CNTNAP5: variants seen among roughly 807,000 people sequenced by gnomAD.
CNTNAP5 encodes contactin associated protein family member 5, also known as contactin-associated protein-like 5.
In CNTNAP5, 72 loss-of-function variants were observed where a neutral mutation model predicts 150.2. The observed-to-expected ratio is 0.48, with a 90% CI of 0.40 to 0.58. The LOEUF (loss-of-function observed/expected upper bound fraction) is 0.58, where lower values mean the gene tolerates loss of function less well. Among genes scored for constraint, CNTNAP5 ranks in the 20% least tolerant of loss-of-function variants. The pLI is 0.00. For synonymous variants in CNTNAP5, 672 were observed against 619.8 expected (o/e 1.08, Z -1.25); for missense variants, 1,636 against 1,626.2 (o/e 1.01, Z -0.10).
At chr2:124,759,938 CTTTTTTTTTTTTTTTT>C (rs571408475) in intron 14 of CNTNAP5, among the ~76,000 whole-genome samples, 11 of 83,646 alleles carry the variant, frequency 1.3e-4, no homozygotes, top group Non-Finnish European at 1.8e-4. Flanking sequence ...ACTCCTCGGT[CTTTTTTTTTTTTTTTT>C]TTTTTTTTTT....
chr2:124,054,744 C>T lies in CNTNAP5; in HGVS notation c.82+29012C>T, dbSNP rs555048070. 3.0e-4 allele frequency among the ~76,000 whole-genome samples: 45 copies of T among 152,294 alleles called. No individual in the cohort carries two copies. In the South Asian group the frequency reaches 9.1e-3, roughly 31 times the overall value. ...AACTATATAACTCACAGCACTCAAG[C>T]CCCTTCCTGCTGTTCGTTAGTAAAA... On this transcript the variant is annotated intron_variant, in intron 1 of 23. Transcript: ENST00000682447.
intron 21 of CNTNAP5, among the ~76,000 whole-genome samples, chr2:124,880,004 T>G (rs1677934748): frequency 6.6e-6 from 1 of 152,116 alleles, no homozygotes. Flanking sequence ...AGATTAGAAT[T>G]CTAGGTGCTT....
At chr2:124,577,165 T>A (rs1696302481) in intron 11 of CNTNAP5, among the ~76,000 whole-genome samples, 1 of 152,190 alleles carries the variant, frequency 6.6e-6, no homozygotes, top group South Asian at 2.1e-4. Flanking sequence ...ACTATGGACT[T>A]GCCATTTTTT....
At chr2:124,178,190 T>A (rs1035617992) in intron 1 of CNTNAP5, among the ~76,000 whole-genome samples, 1 of 152,184 alleles carries the variant, frequency 6.6e-6, no homozygotes, top group South Asian at 2.1e-4. Context: ...GCATCCCTTC[T>A]TGTCAACTCC....
intron 3 of CNTNAP5, among the ~76,000 whole-genome samples, chr2:124,414,369 C>T (rs919934150): frequency 3.3e-5 from 5 of 152,082 alleles, no homozygotes; most frequent in African/African-American, 1.2e-4. Flanking sequence ...ACTGTTAATG[C>T]TTTCTAGGTG....
chr2:124,380,312 C>T (rs1690756437), intron 3 of CNTNAP5, among the ~76,000 whole-genome samples: 1 of 152,116 alleles, frequency 6.6e-6, no homozygotes, highest in Non-Finnish European at 1.5e-5. Flanking sequence ...AGAGCTGGTA[C>T]ATGACTGGGC....
At chr2:124,763,870 C>G in intron 15 of CNTNAP5, 71 bp downstream of exon 15, 2 of 1,604,274 alleles carry the variant, frequency 1.2e-6, no homozygotes, top group Non-Finnish European at 1.7e-6. Flanking sequence ...TCCCTTATCC[C>G]TTTTCCCTGC....
chr2:124,044,521 T>TACC (rs1681473839), intron 1 of CNTNAP5, among the ~76,000 whole-genome samples: 1 of 152,202 alleles, frequency 6.6e-6, no homozygotes, highest in Non-Finnish European at 1.5e-5. Flanking sequence ...GAACTGGTCT[T>TACC]AGATATTGGT....
At chr2:124,778,109 A>G (rs143265091) in intron 17 of CNTNAP5, among the ~76,000 whole-genome samples, 1 of 152,240 alleles carries the variant, frequency 6.6e-6, no homozygotes, top group East Asian at 1.9e-4. Flanking sequence ...CAAGGACCCA[A>G]TCTGAGGGGC....
chr2:124,780,052 G>C (rs186864723), intron 17 of CNTNAP5, among the ~76,000 whole-genome samples: 1 of 152,106 alleles, frequency 6.6e-6, no homozygotes, highest in Non-Finnish European at 1.5e-5. Context: ...AGAGCTCCCC[G>C]TGCCGTCCAT....
chr2:124,363,031 G>A (rs1160853909), intron 3 of CNTNAP5, among the ~76,000 whole-genome samples: 2 of 152,170 alleles, frequency 1.3e-5, no homozygotes, highest in Non-Finnish European at 2.9e-5. Flanking sequence ...TAATAAGGTG[G>A]AGAAAACATA....
chr2:124,148,416 T>C (rs13387715), intron 1 of CNTNAP5, among the ~76,000 whole-genome samples: 20,206 of 149,916 alleles, frequency 0.13, 1,454 homozygotes, highest in Middle Eastern at 0.23. Flanking sequence ...AGCCAGGGAC[T>C]AGTGGTGGTT....
intron 3 of CNTNAP5, among the ~76,000 whole-genome samples, chr2:124,372,048 G>A (rs1237027705): frequency 3.9e-5 from 6 of 152,124 alleles, no homozygotes; most frequent in South Asian, 4.2e-4. Flanking sequence ...CCCTAAACCT[G>A]GATGGGCATC....
At chr2:124,443,043 G>A (rs1692715467) in intron 5 of CNTNAP5, among the ~76,000 whole-genome samples, 1 of 151,948 alleles carries the variant, frequency 6.6e-6, no homozygotes, top group African/African-American at 2.4e-5. Flanking sequence ...TTGCCAACAT[G>A]AAAGCCTTTG....
intron 12 of CNTNAP5, among the ~76,000 whole-genome samples, chr2:124,640,433 C>T (rs991877980): frequency 4.6e-5 from 7 of 152,152 alleles, no homozygotes; most frequent in African/African-American, 1.7e-4. Flanking sequence ...GGCACTAATG[C>T]AGAGCGCATG....
Position 124,704,170 on chromosome 2 carries a change from A to G in CNTNAP5, c.2078-43059A>G, listed in dbSNP as rs187421301. ...CCGGATTTAAATCTGTACTCCAAAG[A>G]TTGCACTGGGAGTGGGGCGACCTAA... On this transcript the variant is annotated intron_variant, in intron 13 of 23. Coordinates refer to ENST00000682447, the MANE Select transcript of CNTNAP5 (RefSeq NM_001367498.1). 1.3e-4 allele frequency among the ~76,000 whole-genome samples: 20 copies of G among 152,300 alleles called. 1 individual carries two copies. Among genetic ancestry groups the G allele is most frequent in the Admixed American group, 1.2e-3 (19 of 15,288 alleles).
chr2:124,323,130 T>C (rs1689138305), intron 3 of CNTNAP5, among the ~76,000 whole-genome samples: 1 of 152,142 alleles, frequency 6.6e-6, no homozygotes, highest in Admixed American at 6.5e-5. Context: ...GTTTATGATG[T>C]TATAGAAGTT....
In CNTNAP5 at chr2:124,816,127, G is replaced by C. The variant is rs144432884; in HGVS notation, c.3217+17807G>C. On this transcript the variant is annotated intron_variant, in intron 19 of 23. Coordinates refer to ENST00000682447, the MANE Select transcript of CNTNAP5 (RefSeq NM_001367498.1). ...TAGGAAGCCGGGGAGCTGGGTTCTT[G>C]TATTAGTTTTCTATTGTTGAGTAAT... Among the ~76,000 whole-genome samples, 134 of 152,250 alleles carry C rather than the reference G, an allele frequency of 8.8e-4. 2 individuals carry two copies. In the East Asian group the frequency reaches 0.022, roughly 25 times the overall value.
intron 11 of CNTNAP5, among the ~76,000 whole-genome samples, chr2:124,592,918 G>C (rs975354086): frequency 6.6e-6 from 1 of 151,048 alleles, no homozygotes; most frequent in Non-Finnish European, 1.5e-5. Context: ...TTTGTTTATT[G>C]TATCTTTTGC....
Sources: allele counts gnomAD v4.1 joint callset (sites outside exome capture counted in the v4.1 genomes callset), GRCh38; gene constraint gnomAD v4.1.1; transcripts MANE v1.5; gene names NCBI Gene and HGNC (gene_info 2026-07-23, HGNC 2026-07-21).